UCHL1: variants seen among roughly 807,000 people sequenced by gnomAD.
The protein encoded by UCHL1 is ubiquitin C-terminal hydrolase L1, also known as ubiquitin carboxyl-terminal hydrolase isozyme L1.
Under a neutral mutation model 33.3 loss-of-function variants are expected in UCHL1, and 5 were observed. The observed-to-expected ratio is 0.15, with a 90% CI of 0.08 to 0.32. UCHL1 has a LOEUF of 0.32. Ranked by LOEUF, UCHL1 falls within the 10% of genes least tolerant of loss-of-function variation. The pLI, the probability that UCHL1 is intolerant of heterozygous loss-of-function variation, is 1.00. For missense variants in UCHL1, 236 were observed against 280.0 expected, an observed-to-expected ratio of 0.84 and a Z score of 1.12; for synonymous variants, 132 against 108.8, an observed-to-expected ratio of 1.21 and a Z score of -1.33.
intron 3 of UCHL1, among the ~76,000 whole-genome samples, chr4:41,259,116 A>G (rs2060914): frequency 2.6e-5 from 4 of 152,204 alleles, no homozygotes; most frequent in Non-Finnish European, 5.9e-5. Flanking sequence ...AGAGCTCGAT[A>G]CTTTGTCCTT....
chr4:41,257,849 C>T, intron 3 of UCHL1, 112 bp downstream of exon 3: 2 of 1,429,008 alleles, frequency 1.4e-6, no homozygotes, highest in East Asian at 2.6e-5. Flanking sequence ...ATGCGGGGCG[C>T]GCCTACAAGG....
intron 6 of UCHL1, among the ~76,000 whole-genome samples, chr4:41,262,351 T>TGGGAGAATTGCTTGAGCC (rs1781083716): frequency 6.6e-6 from 1 of 151,892 alleles, no homozygotes; most frequent in Non-Finnish European, 1.5e-5. Context: ...GAGGCTGAGG[T>TGGGAGAATTGCTTGAGCC]GGGAGAATTG....
chr4:41,265,442 G>T (rs565631057), intron 8 of UCHL1, among the ~76,000 whole-genome samples: 1 of 152,136 alleles, frequency 6.6e-6, no homozygotes, highest in Admixed American at 6.5e-5. Context: ...GCCAGACCTG[G>T]TGGTGCATTC....
At chr4:41,262,625 C>CT (rs947271356) in intron 6 of UCHL1, among the ~76,000 whole-genome samples, 8 of 141,958 alleles carry the variant, frequency 5.6e-5, no homozygotes, top group African/African-American at 1.5e-4. Context: ...TCTCAGTGTC[C>CT]TTTTTAAAAA....
At chr4:41,264,050 G>A in intron 7 of UCHL1, 53 bp from the exon 8 acceptor site, 1 of 1,610,052 alleles carries the variant, frequency 6.2e-7, no homozygotes. Context: ...AGGTAAGCAC[G>A]GTAGCCAGAA....
intron 6 of UCHL1, 109 bp downstream of exon 6, chr4:41,262,032 G>A (rs573101519): frequency 2.6e-4 from 385 of 1,453,218 alleles, no homozygotes; most frequent in Non-Finnish European, 3.5e-4. Context: ...TCCACCCAAG[G>A]CCAAATGACA....
At chr4:41,266,476 G>A (rs913203178) in intron 8 of UCHL1, among the ~76,000 whole-genome samples, 1 of 151,908 alleles carries the variant, frequency 6.6e-6, no homozygotes, top group Admixed American at 6.6e-5. Context: ...TATAGAAGAT[G>A]GTTATTCTCT....
intron 3 of UCHL1, among the ~76,000 whole-genome samples, chr4:41,258,758 TAGTA>T (rs1445658654): frequency 1.3e-5 from 2 of 152,226 alleles, no homozygotes; most frequent in South Asian, 2.1e-4. Flanking sequence ...GCCTTCCTCC[TAGTA>T]AGTAAGCTAA....
intron 2 of UCHL1, 151 bp from the exon 3 acceptor site, chr4:41,257,458 C>G (rs1580922758): frequency 1.8e-6 from 2 of 1,122,524 alleles, no homozygotes; most frequent in African/African-American, 1.7e-5. Context: ...GTCATTGCGC[C>G]GGCCCGGGTG....
chr4:41,264,526 C>G, intron 8 of UCHL1: 1 of 348,182 alleles, frequency 2.9e-6, no homozygotes, highest in East Asian at 7.1e-5. Context: ...CCCTCTAAGA[C>G]AACGGGATTT....
At chr4:41,267,813 CT>C (rs1417650535) in intron 8 of UCHL1, among the ~76,000 whole-genome samples, 173 bp from the exon 9 acceptor site, 5 of 152,038 alleles carry the variant, frequency 3.3e-5, no homozygotes, top group African/African-American at 9.7e-5. Flanking sequence ...ATGATGTAAC[CT>C]TGTCTTTCCC....
chr4:41,263,970 T>G (rs1250938400), intron 7 of UCHL1, 133 bp from the exon 8 acceptor site: 4 of 1,154,056 alleles, frequency 3.5e-6, no homozygotes, highest in Non-Finnish European at 5.2e-6. Flanking sequence ...AGCCTCTTGC[T>G]TCATAACCAG....
chr4:41,263,959 C>A, intron 7 of UCHL1, 144 bp from the exon 8 acceptor site: 1 of 996,832 alleles, frequency 1.0e-6, no homozygotes, highest in Non-Finnish European at 1.6e-6. Context: ...ACCTCATTTG[C>A]AGCCTCTTGC....
At position 41,263,629 on chromosome 4, in the gene UCHL1, C is replaced by T. The variant is rs112428563; in HGVS notation, c.526+338C>T. The stretch of plus-strand genomic sequence containing the variant: ...TTATGGCATCAAGAAAGACGACCCA[C>T]CTTGTAAGATTCATTCCTTTTGTAT... On this transcript the variant is annotated intron_variant, in intron 7 of 8. Transcript: ENST00000284440. Among the ~76,000 whole-genome samples, 206 of 152,338 alleles carry T rather than the reference C, an allele frequency of 1.4e-3. 4 individuals carry two copies. The highest frequency in any genetic ancestry group is 5.2e-3 in the South Asian group (25 of 4,828).
At chr4:41,257,178 CG>C (rs1780989432) in intron 2 of UCHL1, 52 bp downstream of exon 2, 7 of 1,610,680 alleles carry the variant, frequency 4.3e-6, no homozygotes, top group African/African-American at 2.7e-5. Context: ...AGCGCCGAGG[CG>C]GGGGCGCCCA....
intron 3 of UCHL1, among the ~76,000 whole-genome samples, chr4:41,258,320 T>C (rs1447033720): frequency 1.3e-5 from 2 of 152,224 alleles, no homozygotes; most frequent in Non-Finnish European, 2.9e-5. Context: ...CTTAATCATT[T>C]TGTGTATGGT....
chr4:41,257,667 A>G lies in UCHL1; in HGVS notation c.104A>G (p.Glu35Gly). The change falls in exon 3 of 9, where the codon GAA becomes GGA. Residue 35 changes from glutamate to glycine, a missense_variant. Physicochemically the swap from Glu to Gly is moderately conservative, Grantham distance 98. Transcript: ENST00000284440. Reference protein sequence around the residue: ...QWRFVDVLGLEEESLGSVPAP... With the variant: ...QWRFVDVLGLGEESLGSVPAP... ...CGCTTCGTGGACGTGCTGGGGCTGG[A>G]AGAGGAGTCTCTGGGCTCGGTGCCA... is the stretch of plus-strand genomic sequence containing the variant. 1 of 1,573,306 alleles carries G rather than the reference A, an allele frequency of 6.4e-7. No homozygotes were observed. The highest frequency in any genetic ancestry group is 8.6e-7 in the Non-Finnish European group (1 of 1,162,980).
In UCHL1 at chr4:41,263,519, C is replaced by T. The variant is rs146239207; in HGVS notation, c.526+228C>T. ...TATCATCCTTTCTGGGCAAAGAGTA[C>T]GTCTGAAAAAGGATCAGTGCCTGAA... On this transcript the variant is annotated intron_variant, in intron 7 of 8. Coordinates refer to ENST00000284440, the MANE Select transcript of UCHL1 (RefSeq NM_004181.5). Among the ~76,000 whole-genome samples the T allele has an allele frequency of 3.4e-3, 518 of 152,210 alleles. 1 individual carries two copies. The highest frequency in any genetic ancestry group is 0.012 in the African/African-American group (486 of 41,514).
rs1388864779 is a variant in UCHL1 at position 41,260,628 on chromosome 4, A to G, written c.175-19A>G. The G allele has an allele frequency of 5.6e-6, 9 of 1,613,946 alleles. No homozygotes were observed. In the African/African-American group the frequency reaches 1.2e-4, roughly 22 times the overall value. ...TGCACTTTCATTCTGAGATGTAAAA[A>G]CGCTTTTTACATTCGCAGCATGAGA... On this transcript the variant is annotated intron_variant, in intron 3 of 8. Coordinates refer to ENST00000284440, the MANE Select transcript of UCHL1 (RefSeq NM_004181.5).
Sources: gnomAD v4.1 joint callset for allele counts (sites outside exome capture counted in the v4.1 genomes callset) on GRCh38, gnomAD v4.1.1 for gene constraint, MANE v1.5 for transcripts, NCBI Gene and HGNC (gene_info 2026-07-23, HGNC 2026-07-21) for gene names.